The following FAM184A variants were observed in gnomAD, a reference collection of about 807,000 sequenced individuals.
FAM184A encodes the protein family with sequence similarity 184 member A.
FAM184A carries 99 observed loss-of-function variants against 143.8 expected under a neutral mutation model. The observed-to-expected ratio is 0.69, with a 90% CI of 0.58 to 0.81. FAM184A has a LOEUF of 0.81. Ranked by LOEUF, FAM184A falls within the 40% of genes least tolerant of loss-of-function variation. The probability of loss-of-function intolerance (pLI) is 0.00; values close to 1 mark genes in which losing one functional copy is unlikely to be tolerated. For synonymous variants in FAM184A, 427 were observed against 446.4 expected (o/e 0.96, Z 0.55); for missense variants, 1,217 against 1,310.5 (o/e 0.93, Z 1.10).
At chr6:119,054,866 A>T (rs375444843) in intron 1 of FAM184A, among the ~76,000 whole-genome samples, 1 of 151,204 alleles carries the variant, frequency 6.6e-6, no homozygotes. Context: ...CCTTGTGACA[A>T]TTTTTTTTTA....
chr6:118,964,141 G>A (rs562003003), intron 16 of FAM184A, among the ~76,000 whole-genome samples: 3 of 152,190 alleles, frequency 2.0e-5, no homozygotes, highest in East Asian at 1.9e-4. Context: ...CCTGAGCAAC[G>A]CAGTGAGACC....
chr6:119,057,925 G>T (rs1582565525), intron 1 of FAM184A: 1 of 138,794 alleles, frequency 7.2e-6, no homozygotes, highest in Non-Finnish European at 1.5e-5. Context: ...TAACATTAGT[G>T]TTACTGAAGT....
At chr6:119,023,172 C>T in intron 2 of FAM184A, 92 bp from the exon 3 acceptor site, 1 of 1,366,916 alleles carries the variant, frequency 7.3e-7, no homozygotes, top group Non-Finnish European at 1.0e-6. Context: ...TTCTCTTATT[C>T]AGAAGTCATA....
intron 4 of FAM184A, 49 bp from the exon 5 acceptor site, chr6:119,016,993 T>C (rs1162266387): frequency 2.7e-5 from 35 of 1,307,968 alleles, no homozygotes; most frequent in Non-Finnish European, 3.8e-5. Flanking sequence ...TTTTCATTAC[T>C]GTTATTAGGG....
intron 1 of FAM184A, among the ~76,000 whole-genome samples, chr6:119,104,003 AATG>A (rs1012596985): frequency 6.6e-6 from 1 of 151,864 alleles, no homozygotes; most frequent in Non-Finnish European, 1.5e-5. Context: ...TATTTTGGAA[AATG>A]ATGATATTTT....
chr6:119,001,816 G>T lies in FAM184A; in HGVS notation c.2088+1083C>A, dbSNP rs184362934. Among the ~76,000 whole-genome samples the T allele has an allele frequency of 7.9e-5, 12 of 152,210 alleles. No individual in the cohort carries two copies. The East Asian group carries it at 2.1e-3, about 27-fold the overall frequency. ...TCTTACTACTCGTCTAACAATAGGGGATCAGTAGCACCCTACCCAGTAAAA... is the reference window on the plus strand; with the variant it reads ...TCTTACTACTCGTCTAACAATAGGGTATCAGTAGCACCCTACCCAGTAAAA... On this transcript the variant is annotated intron_variant, in intron 9 of 17. Coordinates refer to ENST00000338891, the MANE Select transcript of FAM184A (RefSeq NM_024581.6).
At chr6:119,130,092 G>A (rs9320680) in intron 1 of FAM184A, among the ~76,000 whole-genome samples, 56,069 of 151,804 alleles carry the variant, frequency 0.37, 12,185 homozygotes, top group Non-Finnish European at 0.47. Flanking sequence ...GTCAATATTT[G>A]GAGTATGAGT....
chr6:119,081,334 G>A (rs919707673), upstream of FAM184A, among the ~76,000 whole-genome samples: 1 of 152,142 alleles, frequency 6.6e-6, no homozygotes, highest in African/African-American at 2.4e-5. Context: ...TGTCCCCTTC[G>A]CAGGGCGTGC....
chr6:119,005,840 A>G, intron 7 of FAM184A: 1 of 437,794 alleles, frequency 2.3e-6, no homozygotes, highest in Non-Finnish European at 4.1e-6. Flanking sequence ...GTGGAAGAAA[A>G]AAGGCAGAGT....
chr6:119,035,656 G>C (rs1449082713), intron 1 of FAM184A, among the ~76,000 whole-genome samples: 1 of 152,082 alleles, frequency 6.6e-6, no homozygotes, highest in Non-Finnish European at 1.5e-5. Flanking sequence ...GCCACCTGGA[G>C]GCTTCATCTG....
chr6:119,130,858 CTTTTT>C (rs67738048), intron 1 of FAM184A, among the ~76,000 whole-genome samples: 3 of 131,698 alleles, frequency 2.3e-5, no homozygotes, highest in African/African-American at 2.9e-5. Flanking sequence ...TTCTTTTTTT[CTTTTT>C]TTTTTTTTTT....
chr6:119,016,724 T>C, intron 5 of FAM184A, 23 bp downstream of exon 5: 1 of 1,581,482 alleles, frequency 6.3e-7, no homozygotes, highest in Non-Finnish European at 8.7e-7. Context: ...TACAATGCAA[T>C]GATAAATTAA....
chr6:119,015,477 C>T (rs2114669376), intron 5 of FAM184A, among the ~76,000 whole-genome samples: 1 of 152,310 alleles, frequency 6.6e-6, no homozygotes, highest in East Asian at 1.9e-4. Flanking sequence ...GGGCCAGCGG[C>T]TGCGGAGGGT....
intron 1 of FAM184A, chr6:119,031,524 T>C (rs941042563): frequency 2.0e-5 from 3 of 152,220 alleles, no homozygotes; most frequent in Non-Finnish European, 4.4e-5. Flanking sequence ...AAGAAATAAA[T>C]TTTTATTGTT....
chr6:119,145,247 C>A (rs1425320666), intron 1 of FAM184A, among the ~76,000 whole-genome samples: 7 of 152,184 alleles, frequency 4.6e-5, no homozygotes, highest in African/African-American at 1.7e-4. Flanking sequence ...CCACCTCTCT[C>A]CCCAGGTTGC....
chr6:119,109,860 C>G (rs1348739344), intron 1 of FAM184A, among the ~76,000 whole-genome samples: 1 of 152,060 alleles, frequency 6.6e-6, no homozygotes, highest in Non-Finnish European at 1.5e-5. Context: ...TAATATCTGC[C>G]TTAGTATTTT....
intron 1 of FAM184A, among the ~76,000 whole-genome samples, chr6:119,097,104 G>A (rs78360569): frequency 0.023 from 3,448 of 152,158 alleles, 360 homozygotes; most frequent in Admixed American, 0.18. Context: ...AGGAATACTG[G>A]GGTCAGAACA....
At chr6:119,091,444 T>C (rs1331137251) in intron 1 of FAM184A, among the ~76,000 whole-genome samples, 1 of 152,174 alleles carries the variant, frequency 6.6e-6, no homozygotes, top group Non-Finnish European at 1.5e-5. Flanking sequence ...GATCTCTAAA[T>C]TGTTCATTCC....
In FAM184A at chr6:119,024,553, T is replaced by C; in HGVS notation, c.420A>G (p.Gln140=). ...EAYKHRVEDM[Q]LCAEAQHVQR... ...GGACATGCTGGGCTTCTGCACAAAG[T>C]TGCATGTCCTCAACTCTGTGCTTAT... The change falls in exon 2 of 18, where the codon CAA becomes CAG. Residue 140 remains glutamine, a synonymous_variant. Transcript: ENST00000338891. 1.9e-6 allele frequency: 3 copies of C among 1,614,190 alleles called. No homozygotes were observed. Among genetic ancestry groups the C allele is most frequent in the South Asian group, 2.2e-5 (2 of 91,072 alleles).
Sources: allele counts gnomAD v4.1 joint callset (sites outside exome capture counted in the v4.1 genomes callset), GRCh38; gene constraint gnomAD v4.1.1; transcripts MANE v1.5; gene names NCBI Gene and HGNC (gene_info 2026-07-23, HGNC 2026-07-21).